The following ASIC2 variants were observed in gnomAD, a reference collection of about 807,000 sequenced individuals.
ASIC2 encodes acid sensing ion channel subunit 2, also known as acid-sensing ion channel 2.
Under a neutral mutation model 57.3 loss-of-function variants are expected in ASIC2, and 25 were observed. The ratio of observed to expected loss-of-function variants is 0.44; its 90% CI spans 0.32 to 0.61. ASIC2 has a LOEUF of 0.61. ASIC2 is among the 20% of genes least tolerant of loss of function. The pLI is 0.06. For missense variants in ASIC2, 641 were observed against 738.1 expected, an observed-to-expected ratio of 0.87 and a Z score of 1.52; for synonymous variants, 319 against 307.5, an observed-to-expected ratio of 1.04 and a Z score of -0.39.
intron 1 of ASIC2, among the ~76,000 whole-genome samples, chr17:33,948,346 C>T (rs554852922): frequency 1.2e-4 from 19 of 152,320 alleles, no homozygotes; most frequent in African/African-American, 4.1e-4. Context: ...TCCAGGCTCC[C>T]GCAGGAGCCT....
At chr17:33,954,954 G>A (rs375941475) in intron 1 of ASIC2, 4 of 152,316 alleles carry the variant, frequency 2.6e-5, no homozygotes, top group East Asian at 3.9e-4. Flanking sequence ...ATTACACTGA[G>A]TACTAATTCA....
intron 1 of ASIC2, among the ~76,000 whole-genome samples, chr17:33,662,356 C>A (rs1407383863): frequency 6.6e-6 from 1 of 152,100 alleles, no homozygotes; most frequent in Non-Finnish European, 1.5e-5. Flanking sequence ...CATGGTGGCT[C>A]ACGCTTGTAA....
intron 1 of ASIC2, among the ~76,000 whole-genome samples, chr17:33,875,732 G>C (rs1353693442): frequency 1.3e-5 from 2 of 152,024 alleles, no homozygotes; most frequent in East Asian, 1.9e-4. Flanking sequence ...AAAACTCTTG[G>C]CTGTCTCATT....
At chr17:33,754,989 C>A (rs1295841766) in intron 1 of ASIC2, among the ~76,000 whole-genome samples, 1 of 144,246 alleles carries the variant, frequency 6.9e-6, no homozygotes, top group East Asian at 2.0e-4. Flanking sequence ...AGAACAGTTC[C>A]CTATAGACAG....
intron 1 of ASIC2, among the ~76,000 whole-genome samples, chr17:33,554,481 T>C (rs1035240110): frequency 1.3e-5 from 2 of 151,916 alleles, no homozygotes; most frequent in Non-Finnish European, 2.9e-5. Context: ...GTCAATAAGA[T>C]AGGCTTAGGG....
At chr17:34,099,798 G>GAAAGAAAGAAAGAAAAGA (rs1567821875) in intron 1 of ASIC2, among the ~76,000 whole-genome samples, 1 of 99,134 alleles carries the variant, frequency 1.0e-5, no homozygotes, top group Non-Finnish European at 2.1e-5. Context: ...AAGAAAGAAA[G>GAAAGAAAGAAAGAAAAGA]AAAGAAAAGA....
intron 1 of ASIC2, among the ~76,000 whole-genome samples, chr17:33,570,328 G>T (rs1239826899): frequency 6.6e-6 from 1 of 152,236 alleles, no homozygotes; most frequent in African/African-American, 2.4e-5. Context: ...AATCAGGAAT[G>T]AGTCTTGATA....
At chr17:33,886,845 C>T (rs1914840460) in intron 1 of ASIC2, among the ~76,000 whole-genome samples, 1 of 152,136 alleles carries the variant, frequency 6.6e-6, no homozygotes, top group African/African-American at 2.4e-5. Flanking sequence ...CCCAGACCCA[C>T]TGGATCAAAA....
intron 3 of ASIC2, among the ~76,000 whole-genome samples, chr17:33,065,636 C>T (rs774331238): frequency 3.2e-4 from 48 of 152,098 alleles, no homozygotes; most frequent in Non-Finnish European, 3.1e-4. Context: ...AGGCAACTTC[C>T]ATTCTCAACT....
chr17:33,406,311 C>G (rs1487986955), intron 1 of ASIC2, among the ~76,000 whole-genome samples: 5 of 152,184 alleles, frequency 3.3e-5, no homozygotes, highest in Non-Finnish European at 5.9e-5. Flanking sequence ...GGTGCTGTGT[C>G]TGATGCACAT....
chr17:34,037,728 C>T, intron 1 of ASIC2: 1 of 1,614,142 alleles, frequency 6.2e-7, no homozygotes. Context: ...AAGTAGGGAT[C>T]ACAGGCCAGC....
At chr17:34,135,883 CT>C (rs775937124) in intron 1 of ASIC2, among the ~76,000 whole-genome samples, 12 of 151,958 alleles carry the variant, frequency 7.9e-5, no homozygotes, top group Admixed American at 2.6e-4. Flanking sequence ...AATCATTATT[CT>C]AAAAAAAATA....
intron 1 of ASIC2, among the ~76,000 whole-genome samples, chr17:33,566,682 C>T (rs771275638): frequency 2.6e-5 from 4 of 152,144 alleles, no homozygotes; most frequent in Admixed American, 6.5e-5. Flanking sequence ...CTTTCAGGTC[C>T]GGGCACAGTA....
chr17:34,080,346 A>G (rs1909831857), intron 1 of ASIC2, among the ~76,000 whole-genome samples: 1 of 152,184 alleles, frequency 6.6e-6, no homozygotes, highest in Non-Finnish European at 1.5e-5. Context: ...TCAGCTATAC[A>G]TGAACTCAGC....
At position 34,039,805 on chromosome 17, in the gene ASIC2, A is replaced by C; in HGVS notation, c.555+116173T>G. On this transcript the variant is annotated intron_variant, in intron 1 of 9. Coordinates refer to the ASIC2 transcript ENST00000359872. ...ATTAAGTGGTCCCTTACTAACACCTACTCCAGTAAACCTGGCCTCCAATAA... is the reference window on the plus strand; with the variant it reads ...ATTAAGTGGTCCCTTACTAACACCTCCTCCAGTAAACCTGGCCTCCAATAA... 9.3e-6 allele frequency: 15 copies of C among 1,609,362 alleles called. No individual in the cohort carries two copies. In the South Asian group the frequency reaches 1.6e-4, roughly 18 times the overall value.
chr17:33,292,454 C>T lies in ASIC2; in HGVS notation c.-339G>A. ...GGAGGGGTCCCACTGGGAGCCGCCT[C>T]TCCAGTCCCTGGGTGCTGCGCCCGC... is the stretch of plus-strand genomic sequence containing the variant. On this transcript the variant is annotated 5_prime_UTR_variant, in exon 1 of 10. Coordinates refer to ENST00000225823, the MANE Select transcript of ASIC2 (RefSeq NM_183377.2). 6 of 985,664 alleles carry T rather than the reference C, an allele frequency of 6.1e-6. No homozygotes were observed. Among genetic ancestry groups the T allele is most frequent in the Non-Finnish European group, 7.2e-6 (6 of 830,180 alleles). 61.1% of individuals were successfully genotyped at this position (985,664 alleles called of 1,614,324 possible).
At chr17:33,419,060 C>A (rs114003561) in intron 1 of ASIC2, among the ~76,000 whole-genome samples, 1 of 152,088 alleles carries the variant, frequency 6.6e-6, no homozygotes. Flanking sequence ...ATGTAAGAAA[C>A]CTGCATGTCC....
rs1567621137 is a variant in ASIC2, at chr17:33,464,528, CTTTCTTTCTTTCTCTT to C, written c.556-352477_556-352462del. ...TCTTTCTTTCTTTCTTTCTTTCTTT[CTTTCTTTCTTTCTCTT>C]TCTTTCTTTCTTTCTTTCTTTTCTC... is the stretch of plus-strand genomic sequence containing the variant. On this transcript the variant is annotated intron_variant, in intron 1 of 9. Transcript: ENST00000359872. Among the ~76,000 whole-genome samples, 271 of 35,810 alleles carry C rather than the reference CTTTCTTTCTTTCTCTT, an allele frequency of 7.6e-3. 3 individuals are homozygous for C. The highest frequency in any genetic ancestry group is 0.052 in the East Asian group (105 of 2,026). 23.5% of individuals were successfully genotyped at this position (35,810 alleles called of 152,430 possible).
chr17:33,619,121 G>A (rs1905696800), intron 1 of ASIC2, among the ~76,000 whole-genome samples: 1 of 152,152 alleles, frequency 6.6e-6, no homozygotes, highest in Non-Finnish European at 1.5e-5. Flanking sequence ...ATGTAGGGTA[G>A]GAGGTTTGCT....
Sources: gnomAD v4.1 joint callset for allele counts (sites outside exome capture counted in the v4.1 genomes callset) on GRCh38, gnomAD v4.1.1 for gene constraint, MANE v1.5 for transcripts, NCBI Gene and HGNC (gene_info 2026-07-23, HGNC 2026-07-21) for gene names.